Variants in AKAP13 observed in about 807,000 individuals in gnomAD.
The protein encoded by AKAP13 is A-kinase anchoring protein 13.
In AKAP13, 80 loss-of-function variants were observed where a neutral mutation model predicts 264.5. The ratio of observed to expected loss-of-function variants is 0.30; its 90% CI spans 0.25 to 0.36. AKAP13 has a LOEUF of 0.36. Ranked by LOEUF, AKAP13 falls within the 10% of genes least tolerant of loss-of-function variation. The pLI, the probability that AKAP13 is intolerant of heterozygous loss-of-function variation, is 1.00. For missense variants in AKAP13, 3,712 were observed against 3,435.2 expected (o/e 1.08, Z -2.01); for synonymous variants, 1,380 against 1,250.2 (o/e 1.10, Z -2.19).
chr15:85,671,528 A>C, intron 14 of AKAP13, among the ~76,000 whole-genome samples: 1 of 152,114 alleles, frequency 6.6e-6, no homozygotes, highest in Middle Eastern at 3.4e-3. Flanking sequence ...TTAATATTTC[A>C]AATACAAATC....
chr15:85,643,666 C>T (rs772410051), intron 9 of AKAP13, among the ~76,000 whole-genome samples: 1 of 152,174 alleles, frequency 6.6e-6, no homozygotes, highest in Non-Finnish European at 1.5e-5. Context: ...AAGTGATAGT[C>T]ATTACTTTAT....
At chr15:85,395,047 T>G (rs2071045593) in intron 1 of AKAP13, among the ~76,000 whole-genome samples, 1 of 152,210 alleles carries the variant, frequency 6.6e-6, no homozygotes, top group South Asian at 2.1e-4. Context: ...GGTAATTTCC[T>G]AAGACAGGAC....
At chr15:85,726,383 T>G (rs542017790) in intron 26 of AKAP13, 27 bp from the exon 27 acceptor site, 1 of 1,594,148 alleles carries the variant, frequency 6.3e-7, no homozygotes, top group African/African-American at 1.3e-5. Flanking sequence ...TCGTTTTATC[T>G]TCCCTTCTCC....
At chr15:85,434,501 C>T (rs1229724589) in intron 1 of AKAP13, among the ~76,000 whole-genome samples, 1 of 152,176 alleles carries the variant, frequency 6.6e-6, no homozygotes, top group Non-Finnish European at 1.5e-5. Context: ...CCTCTGTAGG[C>T]TCCACCTCTG....
intron 16 of AKAP13, chr15:85,691,821 A>G (rs1263145219): frequency 2.1e-6 from 1 of 486,138 alleles, no homozygotes; most frequent in East Asian, 6.1e-5. Flanking sequence ...CACTCTGACA[A>G]GTGAGGGAAG....
At chr15:85,601,608 TTG>T (rs10574160) in intron 8 of AKAP13, among the ~76,000 whole-genome samples, 10,003 of 131,982 alleles carry the variant, frequency 0.076, 456 homozygotes, top group East Asian at 0.2. Context: ...CCTGAATTCT[TTG>T]TGTGTGTGTG....
At chr15:85,736,768 G>A (rs1000715786) in intron 33 of AKAP13, among the ~76,000 whole-genome samples, 1 of 152,134 alleles carries the variant, frequency 6.6e-6, no homozygotes, top group Admixed American at 6.6e-5. Context: ...TTTGGTCTAA[G>A]CACACTGAGT....
chr15:85,518,299 C>T (rs2076683376), intron 2 of AKAP13, among the ~76,000 whole-genome samples: 1 of 152,158 alleles, frequency 6.6e-6, no homozygotes, highest in Non-Finnish European at 1.5e-5. Context: ...CCTGGTTCTA[C>T]TGGAGTAAAA....
chr15:85,710,530 G>A, intron 18 of AKAP13, 49 bp from the exon 19 acceptor site: 1 of 1,591,844 alleles, frequency 6.3e-7, no homozygotes, highest in Non-Finnish European at 8.6e-7. Flanking sequence ...CGGCTTCTCA[G>A]GGCTTGTCAG....
At chr15:85,683,486 G>C (rs1160484231) in intron 15 of AKAP13, 2 of 152,274 alleles carry the variant, frequency 1.3e-5, no homozygotes, top group African/African-American at 2.4e-5. Flanking sequence ...TTTGTTTTGA[G>C]ACAGAGTCCC....
intron 5 of AKAP13, among the ~76,000 whole-genome samples, chr15:85,545,619 A>G (rs1351428386): frequency 6.6e-6 from 1 of 152,210 alleles, no homozygotes; most frequent in Non-Finnish European, 1.5e-5. Context: ...CTTGCTGCAG[A>G]TCTAGCTCTT....
intron 12 of AKAP13, among the ~76,000 whole-genome samples, chr15:85,663,692 G>A (rs1241284881): frequency 1.3e-5 from 2 of 152,144 alleles, no homozygotes; most frequent in African/African-American, 2.4e-5. Flanking sequence ...AGAAGTTTCC[G>A]CTGCAGTTGT....
chr15:85,676,755 C>CT (rs2084251176), intron 14 of AKAP13, among the ~76,000 whole-genome samples: 1 of 152,128 alleles, frequency 6.6e-6, no homozygotes, highest in Non-Finnish European at 1.5e-5. Context: ...TTTTCATAAT[C>CT]TAACAGGTAT....
chr15:85,457,502 A>G (rs2074324215), intron 1 of AKAP13, among the ~76,000 whole-genome samples: 1 of 152,204 alleles, frequency 6.6e-6, no homozygotes, highest in Admixed American at 6.5e-5. Context: ...GAGCCATAGT[A>G]GAAGGAGGTG....
intron 1 of AKAP13, among the ~76,000 whole-genome samples, chr15:85,433,065 A>G (rs371550275): frequency 6.9e-6 from 1 of 145,078 alleles, no homozygotes; most frequent in Non-Finnish European, 1.5e-5. Context: ...TAAATCATAT[A>G]CCATTATTTT....
intron 8 of AKAP13, among the ~76,000 whole-genome samples, chr15:85,614,892 T>G (rs1467054928): frequency 1.3e-5 from 2 of 152,222 alleles, no homozygotes; most frequent in African/African-American, 4.8e-5. Flanking sequence ...ACAGGAGGTA[T>G]TCAGTAAATG....
chr15:85,386,918 T>A (rs1424955623), intron 1 of AKAP13, among the ~76,000 whole-genome samples: 1 of 152,212 alleles, frequency 6.6e-6, no homozygotes, highest in Non-Finnish European at 1.5e-5. Flanking sequence ...TGAGTTATCT[T>A]ATTATTTTTC....
At chr15:85,618,329 G>A (rs118159496) in intron 8 of AKAP13, among the ~76,000 whole-genome samples, 88 of 152,256 alleles carry the variant, frequency 5.8e-4, no homozygotes, top group Admixed American at 1.5e-3. Context: ...CAACAGAAAT[G>A]TAGGTGTTAA....
intron 33 of AKAP13, among the ~76,000 whole-genome samples, chr15:85,737,171 G>A (rs2088598096): frequency 6.6e-6 from 1 of 151,830 alleles, no homozygotes; most frequent in South Asian, 2.1e-4. Context: ...CTGCCCACCT[G>A]GGCCTCCAAA....
Sources: allele counts gnomAD v4.1 joint callset (sites outside exome capture counted in the v4.1 genomes callset), GRCh38; gene constraint gnomAD v4.1.1; transcripts MANE v1.5; gene names NCBI Gene and HGNC (gene_info 2026-07-23, HGNC 2026-07-21).